AVEN: variants seen among roughly 807,000 people sequenced by gnomAD.
The protein encoded by AVEN is apoptosis and caspase activation inhibitor, also known as cell death regulator Aven.
AVEN carries 41 observed loss-of-function variants against 38.1 expected under a neutral mutation model. The observed-to-expected ratio is 1.08, with a 90% CI of 0.84 to 1.40. The LOEUF is 1.40. Ranked by LOEUF, AVEN falls within the 40% of genes most tolerant of loss-of-function variation. The pLI is 0.00. For missense variants in AVEN, 605 were observed against 438.8 expected (o/e 1.38, Z -3.38); for synonymous variants, 206 against 171.8 (o/e 1.20, Z -1.56).
At chr15:33,973,181 C>A (rs561770842) in intron 2 of AVEN, among the ~76,000 whole-genome samples, 2 of 152,310 alleles carry the variant, frequency 1.3e-5, no homozygotes, top group Admixed American at 1.3e-4. Flanking sequence ...CATCAGACTA[C>A]GTGGGCCTTC....
intron 2 of AVEN, among the ~76,000 whole-genome samples, chr15:33,900,334 G>A (rs541474266): frequency 6.7e-6 from 1 of 148,550 alleles, no homozygotes; most frequent in East Asian, 2.0e-4. Flanking sequence ...TTGAGACAAA[G>A]TTATTTTCTG....
chr15:34,051,602 T>C (rs1567489487), intron 5 of AVEN, among the ~76,000 whole-genome samples: 1 of 144,734 alleles, frequency 6.9e-6, no homozygotes, highest in African/African-American at 2.7e-5. Context: ...ATTAGACTAA[T>C]AAAGAAGAAA....
intron 2 of AVEN, among the ~76,000 whole-genome samples, chr15:33,980,865 A>G (rs1435731168): frequency 6.6e-6 from 1 of 152,234 alleles, no homozygotes; most frequent in Non-Finnish European, 1.5e-5. Context: ...ACTTCAAAAT[A>G]TAATGGAAAA....
chr15:34,000,536 A>C (rs924586108), intron 2 of AVEN, among the ~76,000 whole-genome samples: 1 of 152,220 alleles, frequency 6.6e-6, no homozygotes, highest in African/African-American at 2.4e-5. Flanking sequence ...TAAGGAACCA[A>C]CAATATTTTT....
At chr15:33,980,907 C>T (rs781202535) in intron 2 of AVEN, among the ~76,000 whole-genome samples, 7 of 152,064 alleles carry the variant, frequency 4.6e-5, no homozygotes, top group East Asian at 3.9e-4. Flanking sequence ...CCCTAAAAAT[C>T]GTATCACTAG....
chr15:34,039,100 C>A lies in AVEN; in HGVS notation c.-54G>T. Reference sequence around the variant, plus strand: ...CGGGAGCCGAGCTGCGGCGGAGACGCCCTGGCCCCACCGGAAGCGGGCCGC... The same window carrying A: ...CGGGAGCCGAGCTGCGGCGGAGACGACCTGGCCCCACCGGAAGCGGGCCGC... On this transcript the variant is annotated 5_prime_UTR_variant, in exon 1 of 6. Coordinates refer to ENST00000306730, the MANE Select transcript of AVEN (RefSeq NM_020371.3). The A allele has an allele frequency of 9.4e-7, 1 of 1,066,322 alleles. No individual in the cohort carries two copies. The highest frequency in any genetic ancestry group is 1.1e-6 in the Non-Finnish European group (1 of 882,928). The allele number at this position is 1,066,322 out of a possible 1,614,324, so 66.1% of individuals were successfully genotyped here.
chr15:33,934,646 G>A (rs1347195124), intron 2 of AVEN, among the ~76,000 whole-genome samples: 1 of 152,166 alleles, frequency 6.6e-6, no homozygotes, highest in Non-Finnish European at 1.5e-5. Context: ...GGTAGATGAG[G>A]ACTATGTTTA....
At chr15:33,949,936 C>A (rs1318273806) in intron 2 of AVEN, among the ~76,000 whole-genome samples, 1 of 151,986 alleles carries the variant, frequency 6.6e-6, no homozygotes, top group Non-Finnish European at 1.5e-5. Flanking sequence ...GCACTATTCA[C>A]GATAGCCAAG....
chr15:33,945,421 A>C (rs778581786), intron 2 of AVEN, among the ~76,000 whole-genome samples: 2 of 152,108 alleles, frequency 1.3e-5, no homozygotes, highest in African/African-American at 2.4e-5. Flanking sequence ...TGATGCCCTG[A>C]ACCCATCCTA....
downstream of AVEN, chr15:33,865,235 C>CAAAG (rs3838863): frequency 0.031 from 49,329 of 1,600,468 alleles, 2,527 homozygotes; most frequent in East Asian, 0.25. Flanking sequence ...AAATCTGAAT[C>CAAAG]AAAGAAGCGC....
chr15:33,989,909 G>A (rs144248921), intron 2 of AVEN, among the ~76,000 whole-genome samples: 25 of 150,596 alleles, frequency 1.7e-4, no homozygotes, highest in African/African-American at 3.4e-4. Context: ...CTATTAGAAC[G>A]TGGTACCCAG....
At chr15:34,003,001 TA>T in intron 2 of AVEN, 30 bp downstream of exon 2, 1 of 1,575,568 alleles carries the variant, frequency 6.3e-7, no homozygotes, top group Non-Finnish European at 8.6e-7. Flanking sequence ...TTCAGAGCAC[TA>T]AACAGTATGC....
intron 2 of AVEN, among the ~76,000 whole-genome samples, chr15:33,942,699 C>T (rs969199760): frequency 2.0e-5 from 3 of 152,180 alleles, no homozygotes; most frequent in African/African-American, 7.2e-5. Context: ...GATCCACCCA[C>T]CTCAGCCTCC....
intron 2 of AVEN, among the ~76,000 whole-genome samples, chr15:33,988,525 G>C (rs1896579841): frequency 6.6e-6 from 1 of 152,148 alleles, no homozygotes; most frequent in Admixed American, 6.5e-5. Context: ...CCTGCAACTG[G>C]TAGGTTTCAG....
chr15:34,014,391 C>CAA (rs1332707712), intron 1 of AVEN, among the ~76,000 whole-genome samples: 2 of 30,946 alleles, frequency 6.5e-5, no homozygotes, highest in East Asian at 5.9e-4. Flanking sequence ...AAAACAAAAA[C>CAA]AAAAACCACG....
At chr15:33,888,997 T>C (rs147317886) in intron 2 of AVEN, among the ~76,000 whole-genome samples, 2,021 of 152,264 alleles carry the variant, frequency 0.013, 40 homozygotes, top group African/African-American at 0.046. Context: ...ATTACAGGCA[T>C]GAGCCACCAC....
intron 2 of AVEN, among the ~76,000 whole-genome samples, chr15:33,907,158 C>T (rs183403437): frequency 6.6e-6 from 1 of 152,254 alleles, no homozygotes; most frequent in African/African-American, 2.4e-5. Flanking sequence ...GATAATATCT[C>T]AAATATCAGC....
chr15:33,862,305 C>G (rs1328692136), downstream of AVEN, among the ~76,000 whole-genome samples: 1 of 152,076 alleles, frequency 6.6e-6, no homozygotes, highest in Admixed American at 6.5e-5. Context: ...CTCCACCTCC[C>G]AGGCTCAAGA....
In AVEN at chr15:33,866,643, C is replaced by T. The variant is rs750338032; in HGVS notation, c.1059G>A (p.Leu353=). 6 of 1,613,960 alleles carry T rather than the reference C, an allele frequency of 3.7e-6. No homozygotes were observed. The highest frequency in any genetic ancestry group is 5.1e-6 in the Non-Finnish European group (6 of 1,179,880). ...STSKNVTEEE[L]EDWLDSMIS ...AAATCATGCTGTCCAACCAGTCTTCCAGCTCTTCCTCGGTAACATTTTTGG... is the reference window on the plus strand; with the variant it reads ...AAATCATGCTGTCCAACCAGTCTTCTAGCTCTTCCTCGGTAACATTTTTGG... The change falls in exon 6 of 6, where the codon CTG becomes CTA. Residue 353 remains leucine, a synonymous_variant. Transcript: ENST00000306730.
Sources: allele counts gnomAD v4.1 joint callset (sites outside exome capture counted in the v4.1 genomes callset), GRCh38; gene constraint gnomAD v4.1.1; transcripts MANE v1.5; gene names NCBI Gene and HGNC (gene_info 2026-07-23, HGNC 2026-07-21).